CSMD1: variants seen among roughly 807,000 people sequenced by gnomAD.
The protein encoded by CSMD1 is CUB and sushi domain-containing protein 1.
A neutral mutation model predicts 417.5 loss-of-function variants in CSMD1; 213 were observed. The ratio of observed to expected loss-of-function variants is 0.51; its 90% CI spans 0.46 to 0.57. CSMD1 has a LOEUF of 0.57. Among genes scored for constraint, CSMD1 ranks in the 20% least tolerant of loss-of-function variants. The pLI, the probability that CSMD1 is intolerant of heterozygous loss-of-function variation, is 0.00. For synonymous variants in CSMD1, 2,862 were observed against 1,736.8 expected (o/e 1.65, Z -16.11); for missense variants, 6,923 against 4,529.7 (o/e 1.53, Z -15.17).
intron 54 of CSMD1, among the ~76,000 whole-genome samples, chr8:2,994,679 T>G (rs966674255): frequency 9.2e-5 from 14 of 152,208 alleles, no homozygotes; most frequent in African/African-American, 3.1e-4. Context: ...AAACACACAG[T>G]AAAGTTTTTA....
At chr8:3,049,292 T>C (rs11990440) in intron 50 of CSMD1, among the ~76,000 whole-genome samples, 45,378 of 152,076 alleles carry the variant, frequency 0.3, 6,954 homozygotes, top group East Asian at 0.36. Context: ...CAGATGTTTA[T>C]AGCAGCTTTA....
rs1315132278 is a variant in CSMD1 at position 3,190,095 on chromosome 8, T to A, written c.5215A>T (p.Thr1739Ser). 3.8e-6 allele frequency: 6 copies of A among 1,591,124 alleles called. No homozygotes were observed. Among genetic ancestry groups the A allele is most frequent in the Non-Finnish European group, 1.7e-6 (2 of 1,168,878 alleles). Residue 1739 changes from threonine to serine, a missense_variant, in exon 34 of 70, where the codon ACC becomes TCC. By Grantham distance (58) the Thr-to-Ser change is moderately conservative. Transcript: ENST00000635120. ...VYQAVPRTSDTQCSSVPEPRY... is the reference protein window; with the variant it reads ...VYQAVPRTSDSQCSSVPEPRY... ...GGCTCGGGGACAGAGCTGCATTGGGTGTCACTGGTACGAGGAACAGCTAGA... is the reference window on the plus strand; with the variant it reads ...GGCTCGGGGACAGAGCTGCATTGGGAGTCACTGGTACGAGGAACAGCTAGA...
intron 54 of CSMD1, among the ~76,000 whole-genome samples, chr8:2,990,962 G>C (rs1047793715): frequency 6.6e-6 from 1 of 152,140 alleles, no homozygotes; most frequent in Admixed American, 6.5e-5. Context: ...ATTTCAATGT[G>C]ATCTTTTCCC....
chr8:3,924,604 T>G (rs1192424708), intron 5 of CSMD1, among the ~76,000 whole-genome samples: 1 of 152,224 alleles, frequency 6.6e-6, no homozygotes, highest in Admixed American at 6.6e-5. Context: ...ATCTGTCTTA[T>G]ATTTCACTAA....
chr8:4,176,351 T>C (rs1159928769), intron 3 of CSMD1, among the ~76,000 whole-genome samples: 2 of 152,234 alleles, frequency 1.3e-5, no homozygotes, highest in African/African-American at 4.8e-5. Flanking sequence ...TGAAAATAAA[T>C]TAGTATGACA....
At chr8:4,253,925 T>C (rs1803260296) in intron 3 of CSMD1, among the ~76,000 whole-genome samples, 1 of 140,522 alleles carries the variant, frequency 7.1e-6, no homozygotes, top group African/African-American at 2.6e-5. Context: ...TTTTTTTTTT[T>C]TTTTTTTTTG....
Position 4,994,522 on chromosome 8 carries a change from G to A in CSMD1, c.-106C>T. 1 of 1,069,146 alleles carries A rather than the reference G, an allele frequency of 9.4e-7. No homozygotes were observed. The allele number at this position is 1,069,146 out of a possible 1,614,324, so 66.2% of individuals were successfully genotyped here. A position where few individuals can be genotyped will look rare whatever the true frequency, so the allele number is the denominator to read the frequency against. ...CCGAGGGCAAGGCGAGCCGGAGAGAGAGCCCGGTCCCAAGACCCGCCGCGC... is the reference window on the plus strand; with the variant it reads ...CCGAGGGCAAGGCGAGCCGGAGAGAAAGCCCGGTCCCAAGACCCGCCGCGC... On this transcript the variant is annotated 5_prime_UTR_variant, in exon 1 of 70. Coordinates refer to ENST00000635120, the MANE Select transcript of CSMD1 (RefSeq NM_033225.6).
intron 1 of CSMD1, among the ~76,000 whole-genome samples, chr8:4,662,762 G>T (rs185996475): frequency 3.3e-5 from 5 of 152,170 alleles, no homozygotes; most frequent in Non-Finnish European, 7.3e-5. Flanking sequence ...TCCTATGGAT[G>T]ATGCTCACAT....
chr8:4,101,299 G>C lies in CSMD1; in HGVS notation c.416-69200C>G, dbSNP rs552799625. ...TGTTCTTCCAAACTCCCATGTTAAA[G>C]AGTTTCACTTGAACAGCTGTGGAAG... On this transcript the variant is annotated intron_variant, in intron 3 of 69. Transcript: ENST00000635120. Among the ~76,000 whole-genome samples the C allele has an allele frequency of 4.9e-4, 74 of 152,274 alleles. 1 individual carries two copies. In the South Asian group the frequency reaches 0.014, roughly 28 times the overall value.
At chr8:3,310,206 A>G (rs1045423022) in intron 23 of CSMD1, among the ~76,000 whole-genome samples, 14 of 152,258 alleles carry the variant, frequency 9.2e-5, no homozygotes, top group African/African-American at 3.4e-4. Context: ...CCAAGAAGAC[A>G]GGGCAGAAAG....
At chr8:3,399,658 C>G (rs1811919857) in intron 15 of CSMD1, 129 bp from the exon 16 acceptor site, 1 of 660,424 alleles carries the variant, frequency 1.5e-6, no homozygotes, top group Non-Finnish European at 2.3e-6. Flanking sequence ...CAAAGCAAAT[C>G]TTATTCCCAA....
chr8:4,508,622 A>C (rs1026224488), intron 2 of CSMD1, among the ~76,000 whole-genome samples: 55 of 152,152 alleles, frequency 3.6e-4, no homozygotes, highest in African/African-American at 1.3e-3. Context: ...GGAGATTGGA[A>C]GATGTTTCCT....
intron 41 of CSMD1, among the ~76,000 whole-genome samples, chr8:3,122,644 G>A (rs894062417): frequency 1.3e-5 from 2 of 152,146 alleles, no homozygotes; most frequent in Non-Finnish European, 2.9e-5. Context: ...AGTCTCACGA[G>A]AGCTGATGCT....
rs1807084071 is a variant in CSMD1, at chr8:2,998,196, C to G, written c.8204-12G>C. 1 of 1,612,936 alleles carries G rather than the reference C, an allele frequency of 6.2e-7. No individual in the cohort carries two copies. Among genetic ancestry groups the G allele is most frequent in the Non-Finnish European group, 8.5e-7 (1 of 1,179,302 alleles). ...ACCACATGTGATGGCTGTAGAGAGA[C>G]AGGTCAACGTCATTGTTAAATATTG... On this transcript the variant is annotated splice_polypyrimidine_tract_variant and intron_variant, in intron 53 of 69. Transcript: ENST00000635120.
At position 3,052,758 on chromosome 8, in the gene CSMD1, G is replaced by T; in HGVS notation, c.7475-111C>A. 6 of 767,088 alleles carry T rather than the reference G, an allele frequency of 7.8e-6. No individual in the cohort carries two copies. The South Asian group carries it at 8.6e-5, about 11-fold the overall frequency. The allele number at this position is 767,088 out of a possible 1,614,324, so 47.5% of individuals were successfully genotyped here. ...ATTGACTCCATTTTTCATTAAAATT[G>T]TGAATTATATTTCTTTTTTTTTCTT... On this transcript the variant is annotated intron_variant, in intron 49 of 69. Coordinates refer to ENST00000635120, the MANE Select transcript of CSMD1 (RefSeq NM_033225.6).
intron 1 of CSMD1, among the ~76,000 whole-genome samples, chr8:4,891,739 T>G (rs898841661): frequency 2.0e-5 from 3 of 152,024 alleles, no homozygotes; most frequent in African/African-American, 7.3e-5. Context: ...AATACTGAAT[T>G]AATTATTTCC....
intron 2 of CSMD1, among the ~76,000 whole-genome samples, chr8:4,587,956 T>C (rs1376186747): frequency 3.3e-5 from 5 of 152,188 alleles, no homozygotes; most frequent in Non-Finnish European, 5.9e-5. Flanking sequence ...GTGTAGACTT[T>C]AAAGTATACC....
intron 1 of CSMD1, among the ~76,000 whole-genome samples, chr8:4,712,720 C>CT (rs963852316): frequency 2.6e-5 from 4 of 152,082 alleles, no homozygotes; most frequent in Non-Finnish European, 5.9e-5. Flanking sequence ...TTCTCTCTCT[C>CT]TTTTTTCACT....
At chr8:4,642,920 A>G (rs1396726923) in intron 1 of CSMD1, among the ~76,000 whole-genome samples, 1 of 152,218 alleles carries the variant, frequency 6.6e-6, no homozygotes, top group Non-Finnish European at 1.5e-5. Context: ...ATGCAGGGAA[A>G]TGATACTCTG....
Sources: gnomAD v4.1 joint callset for allele counts (sites outside exome capture counted in the v4.1 genomes callset) on GRCh38, gnomAD v4.1.1 for gene constraint, MANE v1.5 for transcripts, NCBI Gene and HGNC (gene_info 2026-07-23, HGNC 2026-07-21) for gene names.